The following NFAT5 variants were observed in gnomAD, a reference collection of about 807,000 sequenced individuals.
The protein encoded by NFAT5 is nuclear factor of activated T cells 5.
NFAT5 carries 31 observed loss-of-function variants against 166.5 expected under a neutral mutation model. The ratio of observed to expected loss-of-function variants is 0.19; its 90% confidence interval spans 0.14 to 0.25. The LOEUF (loss-of-function observed/expected upper bound fraction) is 0.25, where lower values mean the gene tolerates loss of function less well. Ranked by LOEUF, NFAT5 falls within the 10% of genes least tolerant of loss-of-function variation. The pLI, the probability that NFAT5 is intolerant of heterozygous loss-of-function variation, is 1.00. For synonymous variants in NFAT5, 612 were observed against 639.7 expected (o/e 0.96, Z 0.65); for missense variants, 1,449 against 1,821.8 (o/e 0.80, Z 3.72).
chr16:69,613,227 C>T (rs930623535), intron 2 of NFAT5, among the ~76,000 whole-genome samples: 2 of 152,176 alleles, frequency 1.3e-5, no homozygotes, highest in African/African-American at 4.8e-5. Context: ...GACTATTTCA[C>T]TGCCACTGCC....
chr16:69,567,402 T>A (rs894317855), intron 1 of NFAT5, among the ~76,000 whole-genome samples: 1 of 152,154 alleles, frequency 6.6e-6, no homozygotes, highest in Admixed American at 6.6e-5. Flanking sequence ...CTGCGCTCTT[T>A]ACGCTTTTTA....
intron 10 of NFAT5, among the ~76,000 whole-genome samples, chr16:69,678,462 C>G (rs2036923917): frequency 6.6e-6 from 1 of 152,048 alleles, no homozygotes; most frequent in Non-Finnish European, 1.5e-5. Context: ...ATCCACCTGC[C>G]TCGGCCTCCC....
intron 10 of NFAT5, among the ~76,000 whole-genome samples, chr16:69,683,232 A>T (rs911400543): frequency 2.6e-5 from 4 of 151,568 alleles, no homozygotes; most frequent in African/African-American, 9.7e-5. Context: ...AAGAAGAAAA[A>T]AGAAAAGTAG....
Position 69,694,749 on chromosome 16 carries a change from C to T in NFAT5, c.4415-387C>T, listed in dbSNP as rs577896587. On this transcript the variant is annotated intron_variant, in intron 13 of 14. Transcript: ENST00000349945. Reference sequence around the variant, plus strand: ...AAAAATGTGTGTTTGCCATTTTAAGCTATAAACTTAAAAGGAAAATGAAGT... The same window carrying T: ...AAAAATGTGTGTTTGCCATTTTAAGTTATAAACTTAAAAGGAAAATGAAGT... Among the ~76,000 whole-genome samples the T allele has an allele frequency of 7.2e-4, 110 of 152,236 alleles. No homozygotes were observed. In the Middle Eastern group the frequency reaches 0.017, roughly 24 times the overall value.
intron 2 of NFAT5, among the ~76,000 whole-genome samples, chr16:69,578,513 C>G (rs1207907045): frequency 6.6e-6 from 1 of 152,098 alleles, no homozygotes; most frequent in East Asian, 1.9e-4. Flanking sequence ...GATTACATAA[C>G]TCAAATTATT....
chr16:69,572,583 AT>A (rs1290120589), intron 2 of NFAT5, among the ~76,000 whole-genome samples: 2 of 152,180 alleles, frequency 1.3e-5, no homozygotes, highest in Non-Finnish European at 2.9e-5. Flanking sequence ...AAAACTATTC[AT>A]TTTGGCAAAT....
intron 2 of NFAT5, among the ~76,000 whole-genome samples, chr16:69,597,913 G>A (rs1411144162): frequency 6.6e-6 from 1 of 152,080 alleles, no homozygotes; most frequent in East Asian, 1.9e-4. Flanking sequence ...TGAATAGAGG[G>A]TAGATAACTA....
At chr16:69,586,373 G>T (rs2032064543) in intron 2 of NFAT5, among the ~76,000 whole-genome samples, 1 of 151,974 alleles carries the variant, frequency 6.6e-6, no homozygotes, top group African/African-American at 2.4e-5. Context: ...AATTCATGAG[G>T]CGTAGACATA....
intron 11 of NFAT5, among the ~76,000 whole-genome samples, chr16:69,686,401 T>C (rs573263664): frequency 2.0e-5 from 3 of 151,996 alleles, no homozygotes; most frequent in Admixed American, 6.6e-5. Context: ...CATGCACTTA[T>C]CATCCTAGCT....
At chr16:69,624,163 G>A (rs1367761685) in intron 2 of NFAT5, among the ~76,000 whole-genome samples, 1 of 152,148 alleles carries the variant, frequency 6.6e-6, no homozygotes, top group African/African-American at 2.4e-5. Context: ...AACATTTCAA[G>A]CATTAGGTAA....
In NFAT5 at chr16:69,647,111, A is replaced by G. The variant is rs779510114; in HGVS notation, c.337A>G (p.Thr113Ala). 1.2e-6 allele frequency: 2 copies of G among 1,613,288 alleles called. No individual in the cohort carries two copies. Among genetic ancestry groups the G allele is most frequent in the Non-Finnish European group, 1.7e-6 (2 of 1,179,680 alleles). ...CTCTTCCAGCCCTACCATTTATTCT[A>G]CCTCAGTCACCGACAGCAAGGCTAT... ...TTSSSPTIYS[T>A]SVTDSKAMQV... The change falls in exon 4 of 15, where the codon ACC (threonine) becomes GCC (alanine). Residue 113 changes from threonine to alanine, a missense_variant. By Grantham distance (58) the Thr-to-Ala change is moderately conservative. Around this residue, in one of 7 missense-constraint regions of NFAT5, gnomAD observed 172 missense variants for 194.5 expected, o/e 0.88. Coordinates refer to ENST00000349945, the MANE Select transcript of NFAT5 (RefSeq NM_138713.4). This position sits in a 1 kb window ranked among gnomAD's most constrained non-coding sequence, Gnocchi z 4.8.
chr16:69,640,318 T>TTTTG (rs1187678436), intron 3 of NFAT5, among the ~76,000 whole-genome samples: 4 of 152,190 alleles, frequency 2.6e-5, no homozygotes, highest in African/African-American at 9.7e-5. Flanking sequence ...CTTTCTTACT[T>TTTTG]TTTGTTTGTT....
chr16:69,606,726 C>T (rs559298155), intron 2 of NFAT5, among the ~76,000 whole-genome samples: 3 of 152,216 alleles, frequency 2.0e-5, no homozygotes, highest in South Asian at 2.1e-4. Context: ...CGTGGTGGTA[C>T]GCCTGTAATT....
chr16:69,669,992 T>G lies in NFAT5; in HGVS notation c.1385T>G (p.Val462Gly). ...ATCTCCACAGCTCAGCCAGCAGGAG[T>G]GCCAGAAATCTTAAAGAAAAGCTTG... ...SPILCTQPAG[V>G]PEILKKSLHS... is the part of the protein sequence containing the mutation. Residue 462 changes from valine to glycine, a missense_variant, in exon 8 of 15, where the codon GTG becomes GGG. Around this residue, in one of 7 missense-constraint regions of NFAT5, gnomAD observed 245 missense variants for 366.6 expected, o/e 0.67. Coordinates refer to ENST00000349945, the MANE Select transcript of NFAT5 (RefSeq NM_138713.4). The G allele has an allele frequency of 6.2e-7, 1 of 1,603,068 alleles. No homozygotes were observed. Among genetic ancestry groups the G allele is most frequent in the Non-Finnish European group, 8.5e-7 (1 of 1,177,020 alleles).
intron 11 of NFAT5, among the ~76,000 whole-genome samples, chr16:69,687,976 T>C (rs1186000812): frequency 6.6e-6 from 1 of 150,522 alleles, no homozygotes; most frequent in African/African-American, 2.4e-5. Flanking sequence ...GGGTGGATCA[T>C]GAGGTCAGGA....
intron 11 of NFAT5, among the ~76,000 whole-genome samples, chr16:69,688,210 A>AAAACAAAAAC (rs1567609290): frequency 1.6e-5 from 2 of 124,274 alleles, no homozygotes; most frequent in African/African-American, 7.9e-5. Context: ...CTCAAAAAAA[A>AAAACAAAAAC]AAAAAAAAAA....
intron 3 of NFAT5, among the ~76,000 whole-genome samples, chr16:69,630,126 G>A (rs1429413186): frequency 3.3e-5 from 5 of 151,850 alleles, no homozygotes; most frequent in East Asian, 1.9e-4. Context: ...TAGTAGAGAC[G>A]GGGTTTCATT....
intron 3 of NFAT5, among the ~76,000 whole-genome samples, chr16:69,639,481 A>G (rs1287267187): frequency 6.6e-6 from 1 of 152,176 alleles, no homozygotes; most frequent in Admixed American, 6.5e-5. Flanking sequence ...CCTGAATGGC[A>G]ATTTGATGAA....
chr16:69,680,054 C>G (rs112668868), intron 10 of NFAT5, among the ~76,000 whole-genome samples: 33,077 of 152,020 alleles, frequency 0.22, 3,916 homozygotes, highest in East Asian at 0.45. Context: ...GGAGGCAGAG[C>G]TTGCAGTGAG....
Sources: allele counts gnomAD v4.1 joint callset (sites outside exome capture counted in the v4.1 genomes callset), GRCh38; gene constraint gnomAD v4.1.1; regional missense constraint gnomAD v4.1.1; non-coding constraint Gnocchi (gnomAD v3.1); transcripts MANE v1.5; gene names NCBI Gene and HGNC (gene_info 2026-07-23, HGNC 2026-07-21).